RBFOX1: variants seen among roughly 807,000 people sequenced by gnomAD.
RBFOX1 encodes the protein RNA binding fox-1 homolog 1, also known as RNA binding protein fox-1 homolog 1.
In RBFOX1, 8 loss-of-function variants were observed where a neutral mutation model predicts 57.7. That is an observed-to-expected ratio of 0.14 (90% CI 0.08 to 0.25). The LOEUF is 0.25. RBFOX1 is among the 10% of genes least tolerant of loss of function. The pLI, the probability that RBFOX1 is intolerant of heterozygous loss-of-function variation, is 1.00. For missense variants in RBFOX1, 611 were observed against 548.5 expected (o/e 1.11, Z -1.14); for synonymous variants, 326 against 222.4 (o/e 1.47, Z -4.15).
At chr16:6,441,132 G>A (rs1176545316) in intron 2 of RBFOX1, among the ~76,000 whole-genome samples, 1 of 152,158 alleles carries the variant, frequency 6.6e-6, no homozygotes, top group Non-Finnish European at 1.5e-5. Flanking sequence ...TCATTGAGGA[G>A]GATGAGGGAA....
chr16:5,927,540 G>C (rs1011530502), intron 4 of RBFOX1, among the ~76,000 whole-genome samples: 2 of 152,136 alleles, frequency 1.3e-5, no homozygotes, highest in Non-Finnish European at 2.9e-5. Context: ...CAATATGGAG[G>C]TTCCCCCCAA....
At chr16:7,297,022 C>T (rs1251774369) in intron 4 of RBFOX1, among the ~76,000 whole-genome samples, 12 of 152,032 alleles carry the variant, frequency 7.9e-5, no homozygotes, top group Non-Finnish European at 1.6e-4. Context: ...TTGAAAGATC[C>T]CGTTTTCCAA....
intron 4 of RBFOX1, among the ~76,000 whole-genome samples, chr16:7,132,427 TACACAGACACACACACACAC>T (rs1018023697): frequency 3.9e-5 from 5 of 128,288 alleles, no homozygotes; most frequent in Admixed American, 8.6e-5. Context: ...GAAATTGTGA[TACACAGACACACACACACAC>T]ACACACACAC....
At chr16:6,389,856 T>G (rs937547458) in intron 2 of RBFOX1, among the ~76,000 whole-genome samples, 1 of 152,164 alleles carries the variant, frequency 6.6e-6, no homozygotes, top group Non-Finnish European at 1.5e-5. Context: ...TCCCAGTATT[T>G]GGGATAATAG....
intron 2 of RBFOX1, among the ~76,000 whole-genome samples, chr16:6,637,024 C>CATTTATATGGATAAATTATGTATAAACAT (rs2098442537): frequency 9.3e-6 from 1 of 107,364 alleles, no homozygotes; most frequent in South Asian, 2.6e-4. Flanking sequence ...TGTGTATAAA[C>CATTTATATGGATAAATTATGTATAAACAT]ATTTATATGG....
chr16:6,641,712 G>GT (rs1240079764), intron 2 of RBFOX1, among the ~76,000 whole-genome samples: 2 of 138,410 alleles, frequency 1.4e-5, no homozygotes, highest in Non-Finnish European at 3.0e-5. Flanking sequence ...TTCAGCCTGG[G>GT]TGACAGAGCA....
chr16:6,055,589 T>TGAA (rs1567345234), intron 1 of RBFOX1, among the ~76,000 whole-genome samples: 1 of 27,708 alleles, frequency 3.6e-5, no homozygotes, highest in African/African-American at 9.7e-5. Flanking sequence ...TGAGACTCCG[T>TGAA]CAAAAAAAAA....
At chr16:5,334,999 A>G (rs1015819750) in intron 1 of RBFOX1, among the ~76,000 whole-genome samples, 3 of 152,256 alleles carry the variant, frequency 2.0e-5, no homozygotes, top group Admixed American at 6.5e-5. Context: ...TCTAGGCCAA[A>G]GAGTATGCCC....
intron 1 of RBFOX1, among the ~76,000 whole-genome samples, chr16:6,271,178 C>A (rs145400238): frequency 6.6e-6 from 1 of 152,166 alleles, no homozygotes; most frequent in Non-Finnish European, 1.5e-5. Flanking sequence ...AATCCCAGCA[C>A]TTTGGGAGGC....
intron 1 of RBFOX1, among the ~76,000 whole-genome samples, chr16:5,240,716 C>T (rs921607243): frequency 2.6e-5 from 4 of 152,222 alleles, no homozygotes; most frequent in African/African-American, 9.6e-5. Context: ...AAGTTCCTTG[C>T]ATCCCTCGGG....
intron 2 of RBFOX1, among the ~76,000 whole-genome samples, chr16:6,369,581 G>C (rs1250020101): frequency 6.6e-6 from 1 of 152,088 alleles, no homozygotes; most frequent in East Asian, 1.9e-4. Context: ...GTCCTCGAGG[G>C]CTGGTAGGAA....
intron 3 of RBFOX1, among the ~76,000 whole-genome samples, chr16:5,605,694 T>C (rs1253219634): frequency 2.6e-5 from 4 of 151,214 alleles, no homozygotes; most frequent in South Asian, 2.1e-4. Context: ...CCTTGATGAG[T>C]AATGTCTACC....
At chr16:6,384,191 A>C (rs2092074786) in intron 2 of RBFOX1, among the ~76,000 whole-genome samples, 1 of 151,792 alleles carries the variant, frequency 6.6e-6, no homozygotes, top group African/African-American at 2.4e-5. Flanking sequence ...CTTTATGCTG[A>C]AATTGCCTTT....
intron 3 of RBFOX1, among the ~76,000 whole-genome samples, chr16:6,911,790 GATCT>G (rs1171864911): frequency 6.6e-6 from 1 of 152,094 alleles, no homozygotes; most frequent in Non-Finnish European, 1.5e-5. Flanking sequence ...TTATAGAAGA[GATCT>G]ATTTTTTCTT....
intron 2 of RBFOX1, among the ~76,000 whole-genome samples, chr16:6,505,534 T>C (rs2096066196): frequency 6.6e-6 from 1 of 152,220 alleles, no homozygotes; most frequent in Non-Finnish European, 1.5e-5. Context: ...ACTCTGTGTA[T>C]TCTCACCGTC....
chr16:5,446,444 G>A (rs2068241960), intron 1 of RBFOX1, among the ~76,000 whole-genome samples: 1 of 152,094 alleles, frequency 6.6e-6, no homozygotes, highest in African/African-American at 2.4e-5. Context: ...TCAAAGAATT[G>A]TGGAAGATTC....
chr16:5,818,166 T>C (rs1216895604), intron 3 of RBFOX1, among the ~76,000 whole-genome samples: 2 of 152,198 alleles, frequency 1.3e-5, no homozygotes, highest in Admixed American at 1.3e-4. Context: ...TACCAATCAT[T>C]GAGCAGTTGC....
At position 5,908,204 on chromosome 16, in the gene RBFOX1, A is replaced by ATG. The variant is rs368638975; in HGVS notation, c.351+40869_351+40870insTG. ...CATATATACACATATATACATATAC[A>ATG]CACATATATATACATATATACACAC... On this transcript the variant is annotated intron_variant, in intron 4 of 19. Coordinates refer to the RBFOX1 transcript ENST00000641259. 2.4e-3 allele frequency among the ~76,000 whole-genome samples: 287 copies of ATG among 120,246 alleles called. 3 individuals are homozygous for ATG. The highest frequency in any genetic ancestry group is 3.8e-3 in the Admixed American group (44 of 11,670). 78.9% of individuals were successfully genotyped at this position (120,246 alleles called of 152,430 possible).
In RBFOX1 at chr16:7,595,635, A is replaced by G; in HGVS notation, c.555A>G (p.Lys185=). Residue 185 remains lysine, a synonymous_variant, in exon 8 of 16, where the codon AAA becomes AAG. Coordinates refer to ENST00000550418, the MANE Select transcript of RBFOX1 (RefSeq NM_018723.4). ...ACGGCACCGTGGTAGAGGGCCGTAA[A>G]ATCGAGGTGCATGTTCAAAATATTT... ...KLHGTVVEGR[K]IEVNNATARV... 2 of 1,578,534 alleles carry G rather than the reference A, an allele frequency of 1.3e-6. No homozygotes were observed. Among genetic ancestry groups the G allele is most frequent in the Non-Finnish European group, 1.7e-6 (2 of 1,160,526 alleles).
Sources: allele counts gnomAD v4.1 joint callset (sites outside exome capture counted in the v4.1 genomes callset), GRCh38; gene constraint gnomAD v4.1.1; transcripts MANE v1.5; gene names NCBI Gene and HGNC (gene_info 2026-07-23, HGNC 2026-07-21).